The following NRXN3 variants were observed in gnomAD, a reference collection of about 807,000 sequenced individuals.
NRXN3 encodes neurexin 3.
In NRXN3, 32 loss-of-function variants were observed where a neutral mutation model predicts 137.6. That is an observed-to-expected ratio of 0.23 (90% CI 0.18 to 0.31). The LOEUF (loss-of-function observed/expected upper bound fraction) is 0.31, where lower values mean the gene tolerates loss of function less well. NRXN3 is among the 10% of genes least tolerant of loss of function. The probability of loss-of-function intolerance (pLI) is 1.00; values close to 1 mark genes in which losing one functional copy is unlikely to be tolerated. For synonymous variants in NRXN3, 798 were observed against 784.5 expected, an observed-to-expected ratio of 1.02 and a Z score of -0.29; for missense variants, 1,574 against 2,062.5, an observed-to-expected ratio of 0.76 and a Z score of 4.59.
chr14:78,546,791 A>G (rs963148045), intron 4 of NRXN3, among the ~76,000 whole-genome samples: 5 of 152,146 alleles, frequency 3.3e-5, no homozygotes, highest in African/African-American at 1.2e-4. Context: ...TGCATCGCTG[A>G]CTTGGCCTTG....
At chr14:79,603,708 T>TG (rs2097957448) in intron 16 of NRXN3, among the ~76,000 whole-genome samples, 1 of 150,864 alleles carries the variant, frequency 6.6e-6, no homozygotes, top group Non-Finnish European at 1.5e-5. Flanking sequence ...AATAAATGTT[T>TG]GAAAAAAAAA....
intron 4 of NRXN3, among the ~76,000 whole-genome samples, chr14:78,499,540 C>G (rs1449715674): frequency 1.3e-5 from 2 of 152,162 alleles, no homozygotes; most frequent in Admixed American, 6.5e-5. Context: ...AACACATTTC[C>G]ACAAGCTTGG....
chr14:78,543,376 A>G (rs994824146), intron 4 of NRXN3, among the ~76,000 whole-genome samples: 1 of 151,696 alleles, frequency 6.6e-6, no homozygotes, highest in Non-Finnish European at 1.5e-5. Context: ...TGTCCTCAAC[A>G]TATTGAAAAC....
At chr14:78,896,990 G>A (rs1438242554) in intron 10 of NRXN3, among the ~76,000 whole-genome samples, 2 of 151,844 alleles carry the variant, frequency 1.3e-5, no homozygotes, top group Non-Finnish European at 2.9e-5. Context: ...CCATCCCATT[G>A]TCTGATCTTG....
chr14:78,843,541 T>G (rs963896922), intron 10 of NRXN3, among the ~76,000 whole-genome samples: 2 of 152,098 alleles, frequency 1.3e-5, no homozygotes, highest in African/African-American at 4.8e-5. Context: ...AAATTCACCC[T>G]CACTTGTACA....
intron 4 of NRXN3, among the ~76,000 whole-genome samples, chr14:78,532,534 T>G (rs1331310702): frequency 6.6e-6 from 1 of 151,650 alleles, no homozygotes; most frequent in African/African-American, 2.4e-5. Context: ...TCTCCTATCT[T>G]TCAGGAGATT....
chr14:78,689,762 T>A (rs967020466), intron 6 of NRXN3, among the ~76,000 whole-genome samples: 1 of 152,122 alleles, frequency 6.6e-6, no homozygotes, highest in African/African-American at 2.4e-5. Context: ...TTGACACCCC[T>A]TCTCTGGAGT....
At position 79,429,932 on chromosome 14, in the gene NRXN3, C is replaced by T. The variant is rs553077194; in HGVS notation, c.3263-37289C>T. Among the ~76,000 whole-genome samples the T allele has an allele frequency of 1.6e-3, 249 of 151,812 alleles. 3 individuals are homozygous for T. The Middle Eastern group carries it at 0.017, about 10-fold the overall frequency. On this transcript the variant is annotated intron_variant, in intron 15 of 20. Transcript: ENST00000335750. ...TTAGAAATTAAGGCTACAATGCATT[C>T]AGGTTGCCTATAAGTTATTCATTTC... is the stretch of plus-strand genomic sequence containing the variant.
At chr14:78,176,362 C>T (rs1044672787) in intron 1 of NRXN3, among the ~76,000 whole-genome samples, 1 of 148,034 alleles carries the variant, frequency 6.8e-6, no homozygotes, top group Non-Finnish European at 1.5e-5. Context: ...TTACTATTTA[C>T]AAAGTTCTCT....
At chr14:78,247,349 G>A (rs567101944) in intron 2 of NRXN3, among the ~76,000 whole-genome samples, 2 of 152,314 alleles carry the variant, frequency 1.3e-5, no homozygotes, top group Admixed American at 6.5e-5. Context: ...TGGGTATGAG[G>A]TAATAGACAC....
intron 17 of NRXN3, among the ~76,000 whole-genome samples, chr14:79,681,482 C>T (rs990926156): frequency 6.6e-6 from 1 of 151,958 alleles, no homozygotes; most frequent in Non-Finnish European, 1.5e-5. Context: ...TTCAGATAGC[C>T]GAGTAGGTTC....
intron 4 of NRXN3, among the ~76,000 whole-genome samples, chr14:78,397,230 G>A (rs1270619700): frequency 2.0e-5 from 3 of 152,108 alleles, no homozygotes; most frequent in African/African-American, 7.2e-5. Context: ...GGAGTTTTAA[G>A]TTATTACTTC....
intron 4 of NRXN3, among the ~76,000 whole-genome samples, chr14:78,344,341 C>CA (rs1434354214): frequency 6.6e-6 from 1 of 152,288 alleles, no homozygotes; most frequent in Admixed American, 6.5e-5. Flanking sequence ...TGAGGGCCCA[C>CA]AAATAAAGCA....
intron 15 of NRXN3, among the ~76,000 whole-genome samples, chr14:79,416,293 T>G (rs569707412): frequency 6.6e-6 from 1 of 152,274 alleles, no homozygotes; most frequent in South Asian, 2.1e-4. Flanking sequence ...CGTTCATTCT[T>G]ATGACAATTT....
At chr14:79,021,284 T>C (rs1413596680) in intron 15 of NRXN3, among the ~76,000 whole-genome samples, 1 of 152,154 alleles carries the variant, frequency 6.6e-6, no homozygotes, top group African/African-American at 2.4e-5. Flanking sequence ...TCTGGGACCT[T>C]AAACATCATC....
chr14:79,226,277 A>G (rs1007639057), intron 15 of NRXN3, among the ~76,000 whole-genome samples: 1 of 152,222 alleles, frequency 6.6e-6, no homozygotes, highest in Admixed American at 6.5e-5. Flanking sequence ...TGCCTATAAT[A>G]TGTGCAATAT....
At position 79,460,593 on chromosome 14, in the gene NRXN3, CT is replaced by C. The variant is rs370442985; in HGVS notation, c.3263-6626del. Among the ~76,000 whole-genome samples the C allele has an allele frequency of 6.4e-3, 978 of 152,236 alleles. 8 individuals carry two copies. Among genetic ancestry groups the C allele is most frequent in the African/African-American group, 0.022 (904 of 41,560 alleles). On this transcript the variant is annotated intron_variant, in intron 15 of 20. Coordinates refer to ENST00000335750, the MANE Select transcript of NRXN3 (RefSeq NM_001330195.2). ...TGCTTATAAGTCTTTGAGTTGAAGCCTTGTTTCTGGAATATTGGGACATGCT... is the reference window on the plus strand; with the variant it reads ...TGCTTATAAGTCTTTGAGTTGAAGCCTGTTTCTGGAATATTGGGACATGCT...
chr14:78,173,493 G>A (rs1212584683), intron 1 of NRXN3, among the ~76,000 whole-genome samples: 12 of 151,294 alleles, frequency 7.9e-5, no homozygotes, highest in Admixed American at 7.2e-4. Context: ...TCTGGGCATT[G>A]TGTGTGCTTG....
At chr14:79,165,422 A>C (rs914111812) in intron 15 of NRXN3, among the ~76,000 whole-genome samples, 1 of 151,866 alleles carries the variant, frequency 6.6e-6, no homozygotes, top group Non-Finnish European at 1.5e-5. Flanking sequence ...ACCTCAGAAA[A>C]TTTTCTTCAT....
Sources: allele counts gnomAD v4.1 joint callset (sites outside exome capture counted in the v4.1 genomes callset), GRCh38; gene constraint gnomAD v4.1.1; transcripts MANE v1.5; gene names NCBI Gene and HGNC (gene_info 2026-07-23, HGNC 2026-07-21).